The following TMEM196 variants were observed in gnomAD, a reference collection of about 807,000 sequenced individuals.
The protein encoded by TMEM196 is transmembrane protein 196.
Under a neutral mutation model 20.0 loss-of-function variants are expected in TMEM196, and 17 were observed. The ratio of observed to expected loss-of-function variants is 0.85; its 90% confidence interval spans 0.58 to 1.27. TMEM196 has a LOEUF of 1.27. Among genes scored for constraint, TMEM196 ranks in the 50% most tolerant of loss-of-function variants. The pLI, the probability that TMEM196 is intolerant of heterozygous loss-of-function variation, is 0.00. For synonymous variants in TMEM196, 113 were observed against 88.9 expected (o/e 1.27, Z -1.52); for missense variants, 267 against 223.0 (o/e 1.20, Z -1.26).
At chr7:19,758,319 A>T (rs950163128) in intron 1 of TMEM196, among the ~76,000 whole-genome samples, 2 of 152,176 alleles carry the variant, frequency 1.3e-5, no homozygotes, top group Non-Finnish European at 2.9e-5. Flanking sequence ...TTTCTTTGAA[A>T]CTTCCAAACA....
chr7:19,731,048 G>A (rs574303453), intron 1 of TMEM196, among the ~76,000 whole-genome samples: 6 of 152,100 alleles, frequency 3.9e-5, no homozygotes, highest in Admixed American at 3.9e-4. Flanking sequence ...TAATTTTAGA[G>A]GACTGGAAAG....
At chr7:19,726,864 A>C (rs1459660837) in intron 2 of TMEM196, among the ~76,000 whole-genome samples, 1 of 152,136 alleles carries the variant, frequency 6.6e-6, no homozygotes, top group Non-Finnish European at 1.5e-5. Flanking sequence ...CTTCTCGGGA[A>C]CACAGACTTA....
rs1202021176 is a variant in TMEM196 at position 19,720,339 on chromosome 7, C to T, written c.*1789G>A. The T allele has an allele frequency of 6.6e-6, 1 of 151,972 alleles. No homozygotes were observed. The highest frequency in any genetic ancestry group is 1.5e-5 in the Non-Finnish European group (1 of 67,888). The allele number at this position is 151,972 out of a possible 1,614,324, so 9.4% of individuals were successfully genotyped here. ...TGATTTAAATAGGTTAAACGATGAT[C>T]ATGTTGCTATAAAAGACCTTCAAAT... is the stretch of plus-strand genomic sequence containing the variant. On this transcript the variant is annotated 3_prime_UTR_variant, in exon 5 of 5. Coordinates refer to ENST00000405844, the MANE Select transcript of TMEM196 (RefSeq NM_001363562.2).
At chr7:19,756,385 C>T (rs570758855) in intron 1 of TMEM196, among the ~76,000 whole-genome samples, 14 of 151,672 alleles carry the variant, frequency 9.2e-5, no homozygotes, top group Middle Eastern at 3.4e-3. Context: ...TTAAAAGTTA[C>T]GTGTGTAGGA....
intron 4 of TMEM196, among the ~76,000 whole-genome samples, chr7:19,723,298 C>G (rs28587039): frequency 0.15 from 23,038 of 151,536 alleles, 2,529 homozygotes; most frequent in East Asian, 0.59. Context: ...ACAAAATTTA[C>G]TTTTCCTGTT....
At chr7:19,749,151 C>A (rs6970136) in intron 1 of TMEM196, among the ~76,000 whole-genome samples, 71,604 of 151,920 alleles carry the variant, frequency 0.47, 20,457 homozygotes, top group East Asian at 0.97. Context: ...TTGTCCTGAT[C>A]ACTTTATTTA....
intron 1 of TMEM196, among the ~76,000 whole-genome samples, chr7:19,757,462 G>A (rs945406697): frequency 8.7e-5 from 13 of 148,588 alleles, no homozygotes; most frequent in Non-Finnish European, 1.5e-4. Context: ...GGCTAGTCTC[G>A]AACTCCTAAC....
At chr7:19,739,252 T>C (rs1366804991) in intron 1 of TMEM196, among the ~76,000 whole-genome samples, 1 of 152,130 alleles carries the variant, frequency 6.6e-6, no homozygotes, top group Non-Finnish European at 1.5e-5. Context: ...TACATGGTAA[T>C]ATAGAAAGGT....
chr7:19,772,425 G>T (rs903518711), intron 1 of TMEM196, 125 bp downstream of exon 1: 2 of 1,100,992 alleles, frequency 1.8e-6, no homozygotes, highest in African/African-American at 3.2e-5. Context: ...GAACCTACAT[G>T]CAAGCCAGAG....
At chr7:19,768,564 A>G (rs1038529675) in intron 1 of TMEM196, among the ~76,000 whole-genome samples, 6 of 152,164 alleles carry the variant, frequency 3.9e-5, no homozygotes, top group South Asian at 2.1e-4. Context: ...TAAATCTGAT[A>G]CATCAGTTAT....
intron 1 of TMEM196, among the ~76,000 whole-genome samples, chr7:19,767,022 A>G (rs1785659297): frequency 6.6e-6 from 1 of 152,108 alleles, no homozygotes; most frequent in Admixed American, 6.6e-5. Context: ...GACTGATGCA[A>G]ATATTATTAG....
At chr7:19,729,007 AT>A (rs1784096810) in intron 2 of TMEM196, among the ~76,000 whole-genome samples, 1 of 152,168 alleles carries the variant, frequency 6.6e-6, no homozygotes, top group Non-Finnish European at 1.5e-5. Flanking sequence ...CCAGTTCCAT[AT>A]TTAAATGGTT....
chr7:19,751,651 TATAA>T (rs1285284194), intron 1 of TMEM196, among the ~76,000 whole-genome samples: 2 of 152,228 alleles, frequency 1.3e-5, no homozygotes, highest in Middle Eastern at 3.2e-3. Flanking sequence ...TCCAATAAAC[TATAA>T]ATAAATGGAG....
At chr7:19,741,994 T>A (rs1465660027) in intron 1 of TMEM196, among the ~76,000 whole-genome samples, 1 of 152,164 alleles carries the variant, frequency 6.6e-6, no homozygotes, top group Admixed American at 6.6e-5. Context: ...CTGTTCTGAG[T>A]GATTGTAGTT....
chr7:19,733,959 A>T (rs1190845438), intron 1 of TMEM196, among the ~76,000 whole-genome samples: 1 of 152,178 alleles, frequency 6.6e-6, no homozygotes, highest in African/African-American at 2.4e-5. Flanking sequence ...AGTTGGGAGT[A>T]ACAACTGACA....
At chr7:19,746,978 G>C (rs775047209) in intron 1 of TMEM196, among the ~76,000 whole-genome samples, 2 of 152,136 alleles carry the variant, frequency 1.3e-5, no homozygotes, top group South Asian at 2.1e-4. Flanking sequence ...AATCCCGGCC[G>C]GGCGTGGTGG....
At chr7:19,723,713 T>C (rs1023176778) in intron 4 of TMEM196, among the ~76,000 whole-genome samples, 7 of 152,138 alleles carry the variant, frequency 4.6e-5, no homozygotes, top group Admixed American at 4.6e-4. Context: ...CCATGTGACT[T>C]TCTGTCTGTC....
chr7:19,747,970 C>G (rs999043258), intron 1 of TMEM196, among the ~76,000 whole-genome samples: 1 of 152,130 alleles, frequency 6.6e-6, no homozygotes, highest in Non-Finnish European at 1.5e-5. Context: ...AATTAATTAA[C>G]AACTAAAATA....
chr7:19,749,759 C>T lies in TMEM196; in HGVS notation c.148-20321G>A, dbSNP rs548322045. Among the ~76,000 whole-genome samples, 10 of 152,264 alleles carry T rather than the reference C, an allele frequency of 6.6e-5. No individual in the cohort carries two copies. The South Asian group carries it at 1.9e-3, about 28-fold the overall frequency. ...TCCTTTATTTCCCTCACTCACAGTT[C>T]GTACCTCCAAATACACAACACTCAC... On this transcript the variant is annotated intron_variant, in intron 1 of 4. Transcript: ENST00000405844.
Sources: allele counts gnomAD v4.1 joint callset (sites outside exome capture counted in the v4.1 genomes callset), GRCh38; gene constraint gnomAD v4.1.1; transcripts MANE v1.5; gene names NCBI Gene and HGNC (gene_info 2026-07-23, HGNC 2026-07-21).